The following NAP1L3 variants were observed in gnomAD, a reference collection of about 807,000 sequenced individuals.
The protein encoded by NAP1L3 is nucleosome assembly protein 1-like 3.
For missense variants in NAP1L3, 378 were observed against 369.9 expected (o/e 1.02, Z -0.18); for synonymous variants, 127 against 131.9 (o/e 0.96, Z 0.25).
rs1303638509 is a variant in NAP1L3 at position 93,671,684 on chromosome X, G to C, written c.*100C>G. 2.8e-6 allele frequency: 3 copies of C among 1,079,098 alleles called. No homozygotes were observed. The highest frequency in any genetic ancestry group is 3.6e-6 in the Non-Finnish European group (3 of 830,213). The allele number at this position is 1,079,098 out of a possible 1,213,427, so 88.9% of individuals were successfully genotyped here. A position where few individuals can be genotyped will look rare whatever the true frequency, so the allele number is the denominator to read the frequency against. ...AAAAACTTGACTATAAGGAATAATA[G>C]TGTTCAGGTTACAGGTCAGGGTTTT... On this transcript the variant is annotated 3_prime_UTR_variant, in exon 1 of 1. Coordinates refer to ENST00000373079, the MANE Select transcript of NAP1L3 (RefSeq NM_004538.6).
At position 93,673,403 on chromosome X, in the gene NAP1L3, G is replaced by C; in HGVS notation, c.-99C>G. 9.0e-7 allele frequency: 1 copy of C among 1,107,457 alleles called. No individual in the cohort carries two copies. Among genetic ancestry groups the C allele is most frequent in the East Asian group, 3.1e-5 (1 of 31,943 alleles). 91.3% of individuals were successfully genotyped at this position (1,107,457 alleles called of 1,213,427 possible). ...AGTGGCGGCGGCGGAGGCCCGGGCT[G>C]CGGAGGTGGCAGCGGCGATGGCAGC... On this transcript the variant is annotated 5_prime_UTR_variant, in exon 1 of 1. Coordinates refer to ENST00000373079, the MANE Select transcript of NAP1L3 (RefSeq NM_004538.6).
Position 93,673,377 on chromosome X carries a change from G to GAGT in NAP1L3, c.-76_-74dup. 8.8e-7 allele frequency: 1 copy of GAGT among 1,133,262 alleles called. No homozygotes were observed. Among genetic ancestry groups the GAGT allele is most frequent in the African/African-American group, 1.8e-5 (1 of 54,921 alleles). 93.4% of individuals were successfully genotyped at this position (1,133,262 alleles called of 1,213,427 possible). A position where few individuals can be genotyped will look rare whatever the true frequency, so the allele number is the denominator to read the frequency against. On this transcript the variant is annotated 5_prime_UTR_variant, in exon 1 of 1. Coordinates refer to ENST00000373079, the MANE Select transcript of NAP1L3 (RefSeq NM_004538.6). ...GGCAGAAAATGACTCACGGATGCTT[G>GAGT]AGTGGCGGCGGCGGAGGCCCGGGCT...
In NAP1L3 at chrX:93,670,999, T is replaced by A. The variant is rs2147559218; in HGVS notation, c.*785A>T. 8.9e-6 allele frequency: 1 copy of A among 111,795 alleles called. No homozygotes were observed. Among genetic ancestry groups the A allele is most frequent in the African/African-American group, 3.3e-5 (1 of 30,755 alleles). 9.2% of individuals were successfully genotyped at this position (111,795 alleles called of 1,213,427 possible). ...CAATACAAGAACATGAAAAACAGTA[T>A]CAAATGAAGTGATCATTTTCAGTGA... is the stretch of plus-strand genomic sequence containing the variant. On this transcript the variant is annotated 3_prime_UTR_variant, in exon 1 of 1. Coordinates refer to ENST00000373079, the MANE Select transcript of NAP1L3 (RefSeq NM_004538.6).
rs769934329 is a variant in NAP1L3 at position 93,671,997 on chromosome X, A to G, written c.1308T>C (p.Asn436=). The change falls in exon 1 of 1, where the codon AAT becomes AAC. Residue 436 remains asparagine, a synonymous_variant. Coordinates refer to ENST00000373079, the MANE Select transcript of NAP1L3 (RefSeq NM_004538.6). ...GACTAAAGAAGTTGAAGAATGATGC[A>G]TTAGGAACCACTCTTGGCTGGATTT... ...EIEIQPRVVP[N]ASFFNFFSPP... The G allele has an allele frequency of 2.5e-6, 3 of 1,204,537 alleles. No homozygotes were observed. The highest frequency in any genetic ancestry group is 3.6e-5 in the South Asian group (2 of 55,790).
In NAP1L3 at chrX:93,671,833, G is replaced by T; in HGVS notation, c.1472C>A (p.Thr491Asn). 1 of 1,208,672 alleles carries T rather than the reference G, an allele frequency of 8.3e-7. No individual in the cohort carries two copies. The highest frequency in any genetic ancestry group is 1.1e-6 in the Non-Finnish European group (1 of 893,904). ...ATAATGTTTGCCAAATTGATAGTAG[G>T]TACCATTGACTTCTCCAGTATAGTA... ...IYYYTGEVNG[T>N]YYQFGKHYGN... Residue 491 changes from threonine to asparagine, a missense_variant, in exon 1 of 1, where the codon ACC becomes AAC. Physicochemically the swap from Thr to Asn is moderately conservative, Grantham distance 65. Coordinates refer to ENST00000373079, the MANE Select transcript of NAP1L3 (RefSeq NM_004538.6).
In NAP1L3 at chrX:93,670,930, T is replaced by A. The variant is rs1172019624; in HGVS notation, c.*854A>T. 8.9e-6 allele frequency: 1 copy of A among 111,849 alleles called. No homozygotes were observed. The highest frequency in any genetic ancestry group is 9.5e-5 in the Admixed American group (1 of 10,534). The allele number at this position is 111,849 out of a possible 1,213,427, so 9.2% of individuals were successfully genotyped here. ...TTTATAGTCAGGAGAAAAGGCTAGA[T>A]TTTTATAGTATAACACACTTTAATA... is the stretch of plus-strand genomic sequence containing the variant. On this transcript the variant is annotated 3_prime_UTR_variant, in exon 1 of 1. Transcript: ENST00000373079.
chrX:93,673,435 G>A lies in NAP1L3; in HGVS notation c.-131C>T. ...TGGCAGCGGCGATGGCAGCAGCGGC[G>A]CAGAGCGGAGCTGGAGCTGGGGATG... On this transcript the variant is annotated 5_prime_UTR_variant, in exon 1 of 1. Coordinates refer to ENST00000373079, the MANE Select transcript of NAP1L3 (RefSeq NM_004538.6). 1.9e-6 allele frequency: 2 copies of A among 1,026,538 alleles called. No homozygotes were observed. Among genetic ancestry groups the A allele is most frequent in the South Asian group, 2.6e-5 (1 of 39,047 alleles). 84.6% of individuals were successfully genotyped at this position (1,026,538 alleles called of 1,213,427 possible). A position where few individuals can be genotyped will look rare whatever the true frequency, so the allele number is the denominator to read the frequency against.
rs1489748086 is a variant in NAP1L3 at position 93,673,015 on chromosome X, A to C, written c.290T>G (p.Val97Gly). The C allele has an allele frequency of 7.4e-6, 9 of 1,209,654 alleles. No homozygotes were observed. The Admixed American group carries it at 1.7e-4, about 24-fold the overall frequency. Residue 97 changes from valine to glycine, a missense_variant, in exon 1 of 1, where the codon GTG becomes GGG. Val to Gly is a moderately radical substitution (Grantham distance 109). Transcript: ENST00000373079. ...TCTAACTGCCTGAGGCAGCCTATCC[A>C]CGAAATTTGTTCCCAACGGGGCCCG... ...ARRAPLGTNF[V>G]DRLPQAVRNR... is the part of the protein sequence containing the mutation.
chrX:93,672,169 A>T lies in NAP1L3; in HGVS notation c.1136T>A (p.Ile379Lys). Reference protein sequence around the residue: ...RNEVLVKTYIIKAKPDHNDPF... With the variant: ...RNEVLVKTYIKKAKPDHNDPF... ...ATCATTGTGATCTGGTTTTGCCTTT[A>T]TTATATATGTCTTCACCAGCACCTC... is the stretch of plus-strand genomic sequence containing the variant. The change falls in exon 1 of 1, where the codon ATA becomes AAA. Residue 379 changes from isoleucine to lysine, a missense_variant. Coordinates refer to ENST00000373079, the MANE Select transcript of NAP1L3 (RefSeq NM_004538.6). 3 of 1,211,256 alleles carry T rather than the reference A, an allele frequency of 2.5e-6. No individual in the cohort carries two copies. The highest frequency in any genetic ancestry group is 3.4e-6 in the Non-Finnish European group (3 of 895,371).
In NAP1L3 at chrX:93,673,153, G is replaced by GTGCTGCTGC. The variant is rs748285907; in HGVS notation, c.143_151dup (p.Ser48_Ser50dup). 10 of 1,204,690 alleles carry GTGCTGCTGC rather than the reference G, an allele frequency of 8.3e-6. No individual in the cohort carries two copies. Among genetic ancestry groups the GTGCTGCTGC allele is most frequent in the Middle Eastern group, 2.3e-4 (1 of 4,359 alleles). ...GCCGCTGCCGCTGCTGCTGCCACTA[G>GTGCTGCTGC]TGCTGCTGCTGCTGCTGCTGTCACT... is the stretch of plus-strand genomic sequence containing the variant. On this transcript the variant is annotated inframe_insertion, in exon 1 of 1. Transcript: ENST00000373079.
rs762061463 is a variant in NAP1L3, at chrX:93,673,109, CGCTGCTGCTGCT to C, written c.184_195del (p.Ser62_Ser65del). 5.8e-6 allele frequency: 7 copies of C among 1,201,145 alleles called. No individual in the cohort carries two copies. Among genetic ancestry groups the C allele is most frequent in the Non-Finnish European group, 6.7e-6 (6 of 891,252 alleles). ...AAGCGGCTGCGGCTGCTAGTGCTGCCGCTGCTGCTGCTGCTGCTGCCGCTGCCGCTGCTGCTG... is the reference window on the plus strand; with the variant it reads ...AAGCGGCTGCGGCTGCTAGTGCTGCCGCTGCTGCCGCTGCCGCTGCTGCTG... On this transcript the variant is annotated inframe_deletion, in exon 1 of 1. Transcript: ENST00000373079.
Position 93,673,511 on chromosome X carries a change from GT to G in NAP1L3, c.-208del. The G allele has an allele frequency of 1.7e-6, 1 of 577,479 alleles. No individual in the cohort carries two copies. Among genetic ancestry groups the G allele is most frequent in the Non-Finnish European group, 2.6e-6 (1 of 384,741 alleles). 47.6% of individuals were successfully genotyped at this position (577,479 alleles called of 1,213,427 possible). On this transcript the variant is annotated 5_prime_UTR_variant, in exon 1 of 1. Coordinates refer to ENST00000373079, the MANE Select transcript of NAP1L3 (RefSeq NM_004538.6). Reference sequence around the variant, plus strand: ...GGCAGTGGAGGCTTGGGCGACAGCGGTGGCGGCAAGGCCTCTCCCGGCTGCA... The same window carrying G: ...GGCAGTGGAGGCTTGGGCGACAGCGGGGCGGCAAGGCCTCTCCCGGCTGCA...
Position 93,673,130 on chromosome X carries a change from C to CGCTGCCGCT in NAP1L3, c.166_174dup (p.Ser56_Ser58dup). 8.4e-7 allele frequency: 1 copy of CGCTGCCGCT among 1,193,964 alleles called. No individual in the cohort carries two copies. The highest frequency in any genetic ancestry group is 1.1e-6 in the Non-Finnish European group (1 of 885,807). ...CTGCCGCTGCTGCTGCTGCTGCTGC[C>CGCTGCCGCT]GCTGCCGCTGCTGCTGCCACTAGTG... is the stretch of plus-strand genomic sequence containing the variant. On this transcript the variant is annotated inframe_insertion, in exon 1 of 1. Coordinates refer to ENST00000373079, the MANE Select transcript of NAP1L3 (RefSeq NM_004538.6).
In NAP1L3 at chrX:93,673,517, G is replaced by A. The variant is rs1320704416; in HGVS notation, c.-213C>T. The A allele has an allele frequency of 7.6e-6, 4 of 527,838 alleles. No homozygotes were observed. The highest frequency in any genetic ancestry group is 1.2e-5 in the Non-Finnish European group (4 of 342,503). 43.5% of individuals were successfully genotyped at this position (527,838 alleles called of 1,213,427 possible). ...GGAGGCTTGGGCGACAGCGGTGGCG[G>A]CAAGGCCTCTCCCGGCTGCAGCTAG... On this transcript the variant is annotated 5_prime_UTR_variant, in exon 1 of 1. Transcript: ENST00000373079.
chrX:93,673,130 CGCTGCCGCTGCT>C lies in NAP1L3; in HGVS notation c.163_174del (p.Ser55_Ser58del), dbSNP rs1569341809. The C allele has an allele frequency of 1.5e-5, 18 of 1,193,964 alleles. No individual in the cohort carries two copies. The highest frequency in any genetic ancestry group is 2.0e-5 in the Non-Finnish European group (18 of 885,807). ...CTGCCGCTGCTGCTGCTGCTGCTGC[CGCTGCCGCTGCT>C]GCTGCCACTAGTGCTGCTGCTGCTG... On this transcript the variant is annotated inframe_deletion, in exon 1 of 1. Coordinates refer to ENST00000373079, the MANE Select transcript of NAP1L3 (RefSeq NM_004538.6).
At position 93,671,147 on chromosome X, in the gene NAP1L3, A is replaced by G. The variant is rs914498128; in HGVS notation, c.*637T>C. On this transcript the variant is annotated 3_prime_UTR_variant, in exon 1 of 1. Coordinates refer to ENST00000373079, the MANE Select transcript of NAP1L3 (RefSeq NM_004538.6). ...ATTAACACCTCAGTGGTAAACAATAACATCATTATGATTAAATTTATAGGC... is the reference window on the plus strand; with the variant it reads ...ATTAACACCTCAGTGGTAAACAATAGCATCATTATGATTAAATTTATAGGC... The G allele has an allele frequency of 1.9e-4, 21 of 112,519 alleles. No homozygotes were observed. Among genetic ancestry groups the G allele is most frequent in the African/African-American group, 6.8e-4 (21 of 30,935 alleles). 9.3% of individuals were successfully genotyped at this position (112,519 alleles called of 1,213,427 possible). A position where few individuals can be genotyped will look rare whatever the true frequency, so the allele number is the denominator to read the frequency against.
rs754643605 is a variant in NAP1L3, at chrX:93,671,799, C to T, written c.1506G>A (p.Lys502=). 1.7e-6 allele frequency: 2 copies of T among 1,190,580 alleles called. No individual in the cohort carries two copies. The highest frequency in any genetic ancestry group is 4.7e-5 in the Admixed American group (2 of 42,119). The change falls in exon 1 of 1, where the codon AAG becomes AAA. Residue 502 remains lysine, a synonymous_variant. Coordinates refer to ENST00000373079, the MANE Select transcript of NAP1L3 (RefSeq NM_004538.6). ...TCAGATTGACTTATTTTCTGTATTT[C>T]TTGTTTCCATAATGTTTGCCAAATT... ...YYQFGKHYGN[K]KYRK is the part of the protein sequence containing the mutation.
At position 93,673,316 on chromosome X, in the gene NAP1L3, A is replaced by G. The variant is rs760001145; in HGVS notation, c.-12T>C. 2.6e-6 allele frequency: 3 copies of G among 1,173,360 alleles called. No individual in the cohort carries two copies. Among genetic ancestry groups the G allele is most frequent in the Middle Eastern group, 2.4e-4 (1 of 4,152 alleles). On this transcript the variant is annotated 5_prime_UTR_variant, in exon 1 of 1. Transcript: ENST00000373079. ...TCTGCTTCTGCCATCTTGCAAGCCT[A>G]CAAACTCTACCAGGGAGACCGCGCG...
chrX:93,673,413 C>T lies in NAP1L3; in HGVS notation c.-109G>A. 1.5e-5 allele frequency: 16 copies of T among 1,086,742 alleles called. No individual in the cohort carries two copies. The highest frequency in any genetic ancestry group is 1.9e-5 in the Non-Finnish European group (16 of 825,708). 89.6% of individuals were successfully genotyped at this position (1,086,742 alleles called of 1,213,427 possible). ...GCGGAGGCCCGGGCTGCGGAGGTGG[C>T]AGCGGCGATGGCAGCAGCGGCGCAG... is the stretch of plus-strand genomic sequence containing the variant. On this transcript the variant is annotated 5_prime_UTR_variant, in exon 1 of 1. Transcript: ENST00000373079.
Sources: gnomAD v4.1 joint callset for allele counts on GRCh38, gnomAD v4.1.1 for gene constraint, MANE v1.5 for transcripts, NCBI Gene and HGNC (gene_info 2026-07-23, HGNC 2026-07-21) for gene names.